PARP15: variants seen among roughly 807,000 people sequenced by gnomAD.
PARP15 encodes poly(ADP-ribose) polymerase family member 15.
A neutral mutation model predicts 62.1 loss-of-function variants in PARP15; 50 were observed. That is an observed-to-expected ratio of 0.81 (90% CI 0.64 to 1.02). The LOEUF (loss-of-function observed/expected upper bound fraction) is 1.02, where lower values mean the gene tolerates loss of function less well. PARP15 is among the 50% of genes least tolerant of loss of function. The pLI, the probability that PARP15 is intolerant of heterozygous loss-of-function variation, is 0.00. For missense variants in PARP15, 820 were observed against 826.5 expected (o/e 0.99, Z 0.10); for synonymous variants, 309 against 293.1 (o/e 1.05, Z -0.55).
At chr3:122,634,868 T>TTGGTGA in intron 10 of PARP15, 152 bp from the exon 11 acceptor site, 1 of 723,884 alleles carries the variant, frequency 1.4e-6, no homozygotes, top group Non-Finnish European at 2.3e-6. Flanking sequence ...CTCTCTGAAT[T>TTGGTGA]TGCTGTCTAT....
At chr3:122,622,370 G>C (rs1446745779) in intron 8 of PARP15, among the ~76,000 whole-genome samples, 1 of 152,094 alleles carries the variant, frequency 6.6e-6, no homozygotes, top group African/African-American at 2.4e-5. Context: ...GGGCTTTCTC[G>C]TTTCCTCCTT....
chr3:122,625,379 G>A (rs529714570), intron 8 of PARP15, among the ~76,000 whole-genome samples: 18 of 152,076 alleles, frequency 1.2e-4, no homozygotes, highest in Non-Finnish European at 2.1e-4. Context: ...TTAGCTTCCC[G>A]AGTAGCTGGG....
chr3:122,633,535 C>T (rs1335165306), intron 10 of PARP15, among the ~76,000 whole-genome samples: 2 of 148,064 alleles, frequency 1.4e-5, no homozygotes, highest in Non-Finnish European at 3.0e-5. Context: ...TTTTTTTTTT[C>T]AGACTTTTTC....
At chr3:122,608,242 A>T (rs1576510966) in intron 2 of PARP15, among the ~76,000 whole-genome samples, 2 of 101,688 alleles carry the variant, frequency 2.0e-5, no homozygotes, top group Non-Finnish European at 1.9e-5. Context: ...TTTGATACTG[A>T]GTCTTGCTCT....
At chr3:122,633,413 C>T (rs973872235) in intron 10 of PARP15, among the ~76,000 whole-genome samples, 2 of 152,136 alleles carry the variant, frequency 1.3e-5, no homozygotes, top group Non-Finnish European at 2.9e-5. Context: ...GAAGTACAGT[C>T]CTGGGCCTCT....
intron 1 of PARP15, among the ~76,000 whole-genome samples, chr3:122,584,235 G>T (rs1933223614): frequency 6.6e-6 from 1 of 152,162 alleles, no homozygotes; most frequent in Non-Finnish European, 1.5e-5. Flanking sequence ...TAAAGCTTTT[G>T]ATGTTTGCAT....
chr3:122,602,221 C>T (rs750093774), intron 1 of PARP15, among the ~76,000 whole-genome samples: 3 of 152,034 alleles, frequency 2.0e-5, no homozygotes, highest in Non-Finnish European at 2.9e-5. Context: ...GGATTCTTTC[C>T]CAGGGCACTG....
chr3:122,611,580 C>A (rs1935569028), intron 3 of PARP15, among the ~76,000 whole-genome samples: 1 of 152,138 alleles, frequency 6.6e-6, no homozygotes, highest in Admixed American at 6.5e-5. Flanking sequence ...CTCAAGTGAT[C>A]CACCCGCCTC....
chr3:122,601,701 G>A (rs896661375), intron 1 of PARP15, among the ~76,000 whole-genome samples: 9 of 152,098 alleles, frequency 5.9e-5, no homozygotes, highest in Admixed American at 1.3e-4. Context: ...TCCAAGTTTT[G>A]GCAGTTATGA....
chr3:122,577,993 T>C, intron 1 of PARP15, 140 bp downstream of exon 1: 1 of 787,902 alleles, frequency 1.3e-6, no homozygotes, highest in Non-Finnish European at 1.9e-6. Flanking sequence ...CTACACTGAC[T>C]TCCCTGTTCC....
At chr3:122,597,743 A>G (rs1234253425) in intron 1 of PARP15, among the ~76,000 whole-genome samples, 1 of 152,184 alleles carries the variant, frequency 6.6e-6, no homozygotes, top group Non-Finnish European at 1.5e-5. Context: ...TTTTATATAT[A>G]TGCATATTAT....
intron 4 of PARP15, 101 bp downstream of exon 4, chr3:122,613,369 C>A: frequency 9.7e-7 from 1 of 1,034,714 alleles, no homozygotes; most frequent in Non-Finnish European, 1.4e-6. Flanking sequence ...TAATCCTGTG[C>A]CTATAAGTGA....
At chr3:122,627,771 A>T (rs1159594053) in intron 9 of PARP15, among the ~76,000 whole-genome samples, 3 of 152,242 alleles carry the variant, frequency 2.0e-5, no homozygotes, top group African/African-American at 7.2e-5. Context: ...GTCAGAAGAA[A>T]TGTCAGTTCT....
At chr3:122,587,830 T>C (rs1384944896) in intron 1 of PARP15, among the ~76,000 whole-genome samples, 2 of 152,218 alleles carry the variant, frequency 1.3e-5, no homozygotes, top group South Asian at 2.1e-4. Flanking sequence ...TGCTTCATTG[T>C]TGTTTGAATT....
chr3:122,588,166 A>G (rs1933602356), intron 1 of PARP15, among the ~76,000 whole-genome samples: 1 of 152,110 alleles, frequency 6.6e-6, no homozygotes. Context: ...ATAGTTGATC[A>G]TGTTAGTGTC....
chr3:122,615,313 A>G, intron 4 of PARP15: 1 of 1,290,340 alleles, frequency 7.7e-7, no homozygotes, highest in Non-Finnish European at 1.0e-6. Flanking sequence ...TAAGAGATGA[A>G]GCATACTGTA....
chr3:122,627,104 T>C (rs1936785785), intron 9 of PARP15, 71 bp downstream of exon 9: 2 of 1,260,174 alleles, frequency 1.6e-6, no homozygotes, highest in East Asian at 4.6e-5. Context: ...TAAGTGTGAA[T>C]GTACACTGAG....
rs1031169997 is a variant in PARP15, at chr3:122,634,753, C to T, written c.1573-267C>T. 3.9e-5 allele frequency among the ~76,000 whole-genome samples: 6 copies of T among 152,194 alleles called. No individual in the cohort carries two copies. In the East Asian group the frequency reaches 5.8e-4, roughly 15 times the overall value. ...TGTTGGTAATCATTTAGATATAAACCGCAAATTATGTTATTTAAAATATAT... is the reference window on the plus strand; with the variant it reads ...TGTTGGTAATCATTTAGATATAAACTGCAAATTATGTTATTTAAAATATAT... On this transcript the variant is annotated intron_variant, in intron 10 of 11. Coordinates refer to ENST00000464300, the MANE Select transcript of PARP15 (RefSeq NM_001113523.3).
In PARP15 at chr3:122,638,413, C is replaced by T. The variant is rs1209979339; in HGVS notation, c.*2313C>T. 6.6e-6 allele frequency: 1 copy of T among 152,110 alleles called. No homozygotes were observed. The highest frequency in any genetic ancestry group is 2.4e-5 in the African/African-American group (1 of 41,422). 9.4% of individuals were successfully genotyped at this position (152,110 alleles called of 1,614,324 possible). Reference sequence around the variant, plus strand: ...ATGGTTGAACTAGTTTACAGTCCCACCAACAGTGTAAAAGTGTTCCTATTT... The same window carrying T: ...ATGGTTGAACTAGTTTACAGTCCCATCAACAGTGTAAAAGTGTTCCTATTT... On this transcript the variant is annotated 3_prime_UTR_variant, in exon 12 of 12. Coordinates refer to ENST00000464300, the MANE Select transcript of PARP15 (RefSeq NM_001113523.3).
Sources: allele counts gnomAD v4.1 joint callset (sites outside exome capture counted in the v4.1 genomes callset), GRCh38; gene constraint gnomAD v4.1.1; transcripts MANE v1.5; gene names NCBI Gene and HGNC (gene_info 2026-07-23, HGNC 2026-07-21).